The following GANC variants were observed in gnomAD, a reference collection of about 807,000 sequenced individuals.
GANC encodes the protein glucosidase alpha, neutral C, also known as neutral alpha-glucosidase C.
GANC carries 117 observed loss-of-function variants against 124.2 expected under a neutral mutation model. The ratio of observed to expected loss-of-function variants is 0.94; its 90% CI spans 0.81 to 1.10. GANC has a LOEUF of 1.10. Among genes scored for constraint, GANC ranks in the 50% least tolerant of loss-of-function variants. The pLI is 0.00. For missense variants in GANC, 1,140 were observed against 1,095.0 expected, an observed-to-expected ratio of 1.04 and a Z score of -0.58; for synonymous variants, 377 against 376.8, an observed-to-expected ratio of 1.00 and a Z score of -0.01.
chr15:42,343,098 C>T lies in GANC; in HGVS notation c.2173C>T (p.Pro725Ser). Residue 725 changes from proline (P) to serine (S), a missense_variant, in exon 19 of 24, where the codon CCA (proline) becomes TCA (serine). By Grantham distance (74) the Pro-to-Ser change is moderately conservative. Coordinates refer to ENST00000318010, the MANE Select transcript of GANC (RefSeq NM_198141.3). ...CTTAGGGAGTGCATTATTGGTTCAT[C>T]CAGTCACAGAACCAAAAGCCACCAC... ...YMLGSALLVH[P>S]VTEPKATTVD... is the part of the protein sequence containing the mutation. 1.2e-6 allele frequency: 2 copies of T among 1,613,840 alleles called. No homozygotes were observed. The highest frequency in any genetic ancestry group is 2.2e-5 in the South Asian group (2 of 91,070).
chr15:42,308,844 T>C (rs1427524083), intron 8 of GANC, among the ~76,000 whole-genome samples: 1 of 152,156 alleles, frequency 6.6e-6, no homozygotes, highest in East Asian at 1.9e-4. Flanking sequence ...AAAACTATAA[T>C]ACTGAACCTA....
At chr15:42,327,126 A>G (rs2052204212) in intron 12 of GANC, among the ~76,000 whole-genome samples, 1 of 152,190 alleles carries the variant, frequency 6.6e-6, no homozygotes. Flanking sequence ...AGGCTCTATC[A>G]TGATACTTGT....
At chr15:42,306,500 T>G (rs201067273) in intron 6 of GANC, 46 bp from the exon 7 acceptor site, 3 of 1,433,188 alleles carry the variant, frequency 2.1e-6, no homozygotes, top group Non-Finnish European at 2.9e-6. Context: ...TAAACACATT[T>G]GTTGCAATTT....
At chr15:42,343,254 C>A in intron 19 of GANC, 100 bp downstream of exon 19, 11 of 952,722 alleles carry the variant, frequency 1.2e-5, no homozygotes, top group Admixed American at 2.0e-5. Context: ...TGTGAACACA[C>A]CCCAGATGAC....
Position 42,339,756 on chromosome 15 carries a change from G to C in GANC, c.1931G>C (p.Gly644Ala), listed in dbSNP as rs748746631. ...GGAGCCTACCAGCCCTTCTTCCGTGGCCATGCCACCATGAACACCAAGCGA... is the reference window on the plus strand; with the variant it reads ...GGAGCCTACCAGCCCTTCTTCCGTGCCCATGCCACCATGAACACCAAGCGA... ...QAGAYQPFFR[G>A]HATMNTKRRE... The change falls in exon 17 of 24, where the codon GGC (glycine) becomes GCC (alanine). Residue 644 changes from glycine (G) to alanine (A), a missense_variant. Physicochemically the swap from Gly to Ala is moderately conservative, Grantham distance 60. Transcript: ENST00000318010. 1 of 1,614,128 alleles carries C rather than the reference G, an allele frequency of 6.2e-7. No homozygotes were observed. The highest frequency in any genetic ancestry group is 8.5e-7 in the Non-Finnish European group (1 of 1,180,012).
At chr15:42,340,474 TG>T (rs2052320848) in intron 17 of GANC, among the ~76,000 whole-genome samples, 1 of 151,830 alleles carries the variant, frequency 6.6e-6, no homozygotes, top group Non-Finnish European at 1.5e-5. Flanking sequence ...CGTGGTGGTG[TG>T]TGCCTGTAAT....
intron 6 of GANC, among the ~76,000 whole-genome samples, chr15:42,301,049 T>C (rs528686559): frequency 6.0e-4 from 89 of 147,508 alleles, no homozygotes; most frequent in Non-Finnish European, 1.1e-3. Context: ...AGAAAGAAAA[T>C]GTGGTATGCT....
At position 42,334,749 on chromosome 15, in the gene GANC, G is replaced by A. The variant is rs1180630502; in HGVS notation, c.1742-3640G>A. On this transcript the variant is annotated intron_variant, in intron 15 of 23. Transcript: ENST00000318010. Reference sequence around the variant, plus strand: ...GAAAGACAACCTACTTTAAGAGTTGGTTTTCTGAAAAAAAAATAATAATAA... The same window carrying A: ...GAAAGACAACCTACTTTAAGAGTTGATTTTCTGAAAAAAAAATAATAATAA... Among the ~76,000 whole-genome samples the A allele has an allele frequency of 6.1e-5, 3 of 49,048 alleles. No individual in the cohort carries two copies. In the East Asian group the frequency reaches 1.7e-3, roughly 29 times the overall value. The allele number at this position is 49,048 out of a possible 152,430, so 32.2% of individuals were successfully genotyped here.
chr15:42,276,934 G>A (rs1194059528), intron 2 of GANC, among the ~76,000 whole-genome samples: 3 of 151,952 alleles, frequency 2.0e-5, no homozygotes, highest in African/African-American at 7.3e-5. Context: ...ATGAGTGCAT[G>A]GAGATTGTTT....
chr15:42,291,469 A>G (rs963566570), intron 4 of GANC, among the ~76,000 whole-genome samples: 3 of 152,296 alleles, frequency 2.0e-5, no homozygotes, highest in South Asian at 2.1e-4. Flanking sequence ...GTTTCATGCA[A>G]CCAGCTCATC....
At chr15:42,340,793 G>A (rs1233614289) in intron 18 of GANC, 39 bp downstream of exon 18, 6 of 1,469,550 alleles carry the variant, frequency 4.1e-6, no homozygotes, top group South Asian at 2.4e-5. Context: ...TTGAGACGGA[G>A]TCTCACTCTG....
At chr15:42,345,923 T>C in intron 20 of GANC, 91 bp downstream of exon 20, 1 of 861,268 alleles carries the variant, frequency 1.2e-6, no homozygotes, top group South Asian at 1.6e-5. Context: ...TGGGTGGTTT[T>C]ACCCAACAGA....
intron 17 of GANC, among the ~76,000 whole-genome samples, chr15:42,340,372 C>A (rs148680072): frequency 9.2e-5 from 14 of 152,190 alleles, no homozygotes; most frequent in African/African-American, 3.1e-4. Context: ...GTAATCCCAG[C>A]ACTTTGGGAG....
rs142722829 is a variant in GANC at position 42,346,405 on chromosome 15, T to C, written c.2304+573T>C. 5.7e-3 allele frequency among the ~76,000 whole-genome samples: 867 copies of C among 152,206 alleles called. 5 individuals carry two copies. Among genetic ancestry groups the C allele is most frequent in the African/African-American group, 0.02 (833 of 41,520 alleles). On this transcript the variant is annotated intron_variant, in intron 20 of 23. Transcript: ENST00000318010. ...CTGTAAACTGGTCCAGGGTTTCTTT[T>C]TGGGGTGATGAAAATGCTTTAAAAT...
intron 11 of GANC, among the ~76,000 whole-genome samples, chr15:42,324,762 G>A (rs2052185433): frequency 6.6e-6 from 1 of 152,142 alleles, no homozygotes; most frequent in African/African-American, 2.4e-5. Context: ...CATAGAGACA[G>A]AAAGTATTAT....
intron 7 of GANC, 61 bp from the exon 8 acceptor site, chr15:42,308,161 C>G: frequency 9.4e-7 from 1 of 1,065,884 alleles, no homozygotes; most frequent in Non-Finnish European, 1.4e-6. Flanking sequence ...TCAGAATTAA[C>G]TGAATCTCCT....
At chr15:42,323,438 T>A (rs1280148590) in intron 11 of GANC, among the ~76,000 whole-genome samples, 1 of 152,160 alleles carries the variant, frequency 6.6e-6, no homozygotes, top group East Asian at 1.9e-4. Flanking sequence ...AAAGAGAAGA[T>A]TGTATCCTCA....
intron 15 of GANC, among the ~76,000 whole-genome samples, chr15:42,335,829 A>G (rs1334580164): frequency 6.6e-6 from 1 of 152,234 alleles, no homozygotes; most frequent in Non-Finnish European, 1.5e-5. Flanking sequence ...AACAACAGTC[A>G]AGCCTAGAGC....
rs755200002 is a variant in GANC at position 42,321,913 on chromosome 15, T to G, written c.1186T>G (p.Trp396Gly). The G allele has an allele frequency of 9.9e-6, 16 of 1,614,120 alleles. No homozygotes were observed. The highest frequency in any genetic ancestry group is 1.4e-5 in the Non-Finnish European group (16 of 1,180,044). The change falls in exon 11 of 24, where the codon TGG (tryptophan) becomes GGG (glycine). Residue 396 changes from tryptophan (W) to glycine (G), a missense_variant. Physicochemically the swap from Trp to Gly is radical, Grantham distance 184 (BLOSUM62 -2). Transcript: ENST00000318010. ...DEHDIPYDAM[W>G]LDIEHTEGKR... ...GCATGACATTCCTTATGATGCCATG[T>G]GGCTGGACATAGAGCACACTGAGGG...
Sources: allele counts gnomAD v4.1 joint callset (sites outside exome capture counted in the v4.1 genomes callset), GRCh38; gene constraint gnomAD v4.1.1; transcripts MANE v1.5; gene names NCBI Gene and HGNC (gene_info 2026-07-23, HGNC 2026-07-21).